Variants in PCDH19 observed in about 807,000 individuals in gnomAD.
PCDH19 encodes protocadherin 19, also known as protocadherin-19.
PCDH19 carries 6 observed loss-of-function variants against 46.2 expected under a neutral mutation model. That is an observed-to-expected ratio of 0.13 (90% CI 0.07 to 0.26). PCDH19 has a LOEUF of 0.26. PCDH19 is among the 10% of genes least tolerant of loss of function. The pLI, the probability that PCDH19 is intolerant of heterozygous loss-of-function variation, is 1.00. For missense variants in PCDH19, 740 were observed against 972.3 expected, an observed-to-expected ratio of 0.76 and a Z score of 3.18; for synonymous variants, 481 against 415.7, an observed-to-expected ratio of 1.16 and a Z score of -1.91.
chrX:100,371,654 T>C (rs769096743), intron 3 of PCDH19, among the ~76,000 whole-genome samples: 10 of 111,253 alleles, frequency 9.0e-5, no homozygotes, highest in Non-Finnish European at 1.9e-4. Flanking sequence ...ATATCACTTA[T>C]CTTCTAAAAT....
At position 100,319,222 on chromosome X, in the gene PCDH19, G is replaced by A. The variant is rs1417182600; in HGVS notation, c.2849-22347C>T. Among the ~76,000 whole-genome samples, 4 of 111,628 alleles carry A rather than the reference G, an allele frequency of 3.6e-5. No individual in the cohort carries two copies. The East Asian group carries it at 1.1e-3, about 32-fold the overall frequency. Reference sequence around the variant, plus strand: ...AATGTGAGAGGGGAATTGGAGTGGAGTGGAGAAGTTGACTTGATATCTTAA... The same window carrying A: ...AATGTGAGAGGGGAATTGGAGTGGAATGGAGAAGTTGACTTGATATCTTAA... On this transcript the variant is annotated intron_variant, in intron 5 of 5. Coordinates refer to ENST00000373034, the MANE Select transcript of PCDH19 (RefSeq NM_001184880.2).
intron 3 of PCDH19, among the ~76,000 whole-genome samples, chrX:100,357,143 A>G (rs1926741342): frequency 8.9e-6 from 1 of 111,947 alleles, no homozygotes. Flanking sequence ...TCAAAATGTC[A>G]GACATTCAGG....
chrX:100,393,431 T>C (rs192840055), intron 3 of PCDH19, among the ~76,000 whole-genome samples: 3 of 109,048 alleles, frequency 2.8e-5, no homozygotes, highest in African/African-American at 1.0e-4. Context: ...GTTCATTTTA[T>C]TCCCTCCTGC....
intron 3 of PCDH19, among the ~76,000 whole-genome samples, chrX:100,397,926 A>G (rs901381186): frequency 9.0e-6 from 1 of 110,634 alleles, no homozygotes; most frequent in African/African-American, 3.3e-5. Context: ...CAAACCTACT[A>G]TCTTTCTTCT....
At chrX:100,381,697 G>C (rs1378324044) in intron 3 of PCDH19, among the ~76,000 whole-genome samples, 3 of 112,074 alleles carry the variant, frequency 2.7e-5, no homozygotes, top group Admixed American at 9.5e-5. Flanking sequence ...TTAGTGCAGA[G>C]AACCACTCCT....
intron 3 of PCDH19, among the ~76,000 whole-genome samples, chrX:100,372,445 G>A (rs1039506640): frequency 2.7e-5 from 3 of 111,923 alleles, no homozygotes; most frequent in African/African-American, 9.7e-5. Flanking sequence ...GCAACTGAAA[G>A]TAAAATAGAG....
intron 5 of PCDH19, among the ~76,000 whole-genome samples, chrX:100,341,307 C>G (rs1009639047): frequency 8.9e-6 from 1 of 111,825 alleles, no homozygotes; most frequent in African/African-American, 3.3e-5. Flanking sequence ...CAGCCACGTT[C>G]TCTTACCCTG....
intron 5 of PCDH19, among the ~76,000 whole-genome samples, chrX:100,332,658 G>C (rs947781006): frequency 9.0e-6 from 1 of 111,538 alleles, no homozygotes; most frequent in Non-Finnish European, 1.9e-5. Flanking sequence ...TCCATGTTTA[G>C]ATTTATCATT....
intron 5 of PCDH19, among the ~76,000 whole-genome samples, chrX:100,332,295 G>A (rs1319917118): frequency 8.9e-6 from 1 of 112,036 alleles, no homozygotes; most frequent in East Asian, 2.8e-4. Context: ...GCCAAGGCGG[G>A]TGGATCACCT....
chrX:100,328,972 G>A (rs921009028), intron 5 of PCDH19, among the ~76,000 whole-genome samples: 1 of 111,771 alleles, frequency 8.9e-6, no homozygotes, highest in African/African-American at 3.3e-5. Context: ...TGGTTAGTTG[G>A]AATGGTGGTT....
chrX:100,350,067 T>C (rs923414561), intron 4 of PCDH19, among the ~76,000 whole-genome samples: 1 of 112,507 alleles, frequency 8.9e-6, no homozygotes, highest in Non-Finnish European at 1.9e-5. Flanking sequence ...TTCTCTCTCA[T>C]CTAGAAAGGA....
At chrX:100,338,068 C>T (rs771128707) in intron 5 of PCDH19, among the ~76,000 whole-genome samples, 9 of 111,612 alleles carry the variant, frequency 8.1e-5, no homozygotes, top group South Asian at 7.5e-4. Flanking sequence ...AGGCCAGGCG[C>T]GGTGGCTCAC....
intron 3 of PCDH19, among the ~76,000 whole-genome samples, chrX:100,355,422 G>A (rs780456322): frequency 7.2e-5 from 8 of 111,475 alleles, no homozygotes; most frequent in East Asian, 2.8e-4. Context: ...ACATAGGATC[G>A]TCACCAACCT....
chrX:100,402,254 T>G (rs1221718403), intron 3 of PCDH19, among the ~76,000 whole-genome samples: 1 of 112,117 alleles, frequency 8.9e-6, no homozygotes, highest in Non-Finnish European at 1.9e-5. Context: ...TGGAGCAAAC[T>G]TGAGTTATGC....
chrX:100,329,784 C>T (rs1416997023), intron 5 of PCDH19, among the ~76,000 whole-genome samples: 3 of 110,745 alleles, frequency 2.7e-5, no homozygotes, highest in Admixed American at 1.9e-4. Flanking sequence ...TGGTGGCAGG[C>T]GCCTGTAGTC....
intron 3 of PCDH19, among the ~76,000 whole-genome samples, chrX:100,382,170 A>G (rs1927572644): frequency 9.0e-6 from 1 of 110,940 alleles, no homozygotes; most frequent in African/African-American, 3.3e-5. Flanking sequence ...GGCAGAGTTC[A>G]CACATTTCAC....
intron 3 of PCDH19, among the ~76,000 whole-genome samples, chrX:100,384,089 T>C (rs1927637762): frequency 8.9e-6 from 1 of 111,935 alleles, no homozygotes; most frequent in Non-Finnish European, 1.9e-5. Context: ...TAAAATGTAA[T>C]GTAAAAGTGA....
chrX:100,318,583 A>G (rs967480926), intron 5 of PCDH19, among the ~76,000 whole-genome samples: 1 of 112,182 alleles, frequency 8.9e-6, no homozygotes, highest in South Asian at 3.7e-4. Flanking sequence ...TTGGATTATC[A>G]TCACATTGAG....
intron 1 of PCDH19, among the ~76,000 whole-genome samples, chrX:100,404,770 G>C (rs1292687529): frequency 1.8e-5 from 2 of 111,113 alleles, no homozygotes; most frequent in African/African-American, 6.6e-5. Flanking sequence ...ATCAAGGAAA[G>C]GATCTTATGC....
Sources: gnomAD v4.1 joint callset for allele counts (sites outside exome capture counted in the v4.1 genomes callset) on GRCh38, gnomAD v4.1.1 for gene constraint, MANE v1.5 for transcripts, NCBI Gene and HGNC (gene_info 2026-07-23, HGNC 2026-07-21) for gene names.